Variants in RBM26 observed in about 807,000 individuals in gnomAD.
The protein encoded by RBM26 is RNA-binding protein 26.
In RBM26, 30 loss-of-function variants were observed where a neutral mutation model predicts 123.6. That is an observed-to-expected ratio of 0.24 (90% CI 0.18 to 0.33). The LOEUF is 0.33. RBM26 is among the 10% of genes least tolerant of loss of function. RBM26 has a pLI of 1.00. For missense variants in RBM26, 947 were observed against 1,203.6 expected (o/e 0.79, Z 3.15); for synonymous variants, 400 against 404.4 (o/e 0.99, Z 0.13).
At chr13:79,328,233 G>A (rs1185757377) in intron 20 of RBM26, among the ~76,000 whole-genome samples, 1 of 152,038 alleles carries the variant, frequency 6.6e-6, no homozygotes, top group Non-Finnish European at 1.5e-5. Context: ...AAACTGCCCT[G>A]ACAAACTACT....
chr13:79,377,927 C>CA (rs5805027), intron 2 of RBM26, among the ~76,000 whole-genome samples: 2 of 148,118 alleles, frequency 1.4e-5, no homozygotes, highest in African/African-American at 2.5e-5. Flanking sequence ...GACTCCGTCT[C>CA]AAAAAAAAAA....
chr13:79,404,057 C>T (rs539017638), intron 1 of RBM26, among the ~76,000 whole-genome samples: 8 of 152,308 alleles, frequency 5.3e-5, no homozygotes, highest in East Asian at 1.9e-4. Context: ...TAAATACTAT[C>T]TGCATGACTC....
chr13:79,324,194 T>C (rs2068051734), intron 20 of RBM26, among the ~76,000 whole-genome samples: 1 of 151,816 alleles, frequency 6.6e-6, no homozygotes, highest in Non-Finnish European at 1.5e-5. Flanking sequence ...CATATATTTT[T>C]CTACACACAT....
intron 3 of RBM26, among the ~76,000 whole-genome samples, chr13:79,373,900 TTC>T (rs2076401329): frequency 6.6e-6 from 1 of 151,068 alleles, no homozygotes; most frequent in Non-Finnish European, 1.5e-5. Context: ...CAGTGCTACT[TTC>T]TCCAGACTAT....
chr13:79,318,782 T>C, downstream of RBM26: 5 of 983,812 alleles, frequency 5.1e-6, no homozygotes, highest in African/African-American at 5.2e-5. Flanking sequence ...AGCATGGAGA[T>C]TTAACTGGCC....
Position 79,405,790 on chromosome 13 carries a change from G to T in RBM26, c.-16C>A, listed in dbSNP as rs755060108. ...TAGAAACCATCCACAGCGGCCCTAA[G>T]GCCCGTCACACTCCTCCGCCCGCCC... On this transcript the variant is annotated 5_prime_UTR_variant, in exon 1 of 22. Coordinates refer to ENST00000438737, the MANE Select transcript of RBM26 (RefSeq NM_001366735.2). 2 of 1,528,678 alleles carry T rather than the reference G, an allele frequency of 1.3e-6. No individual in the cohort carries two copies. The highest frequency in any genetic ancestry group is 1.8e-6 in the Non-Finnish European group (2 of 1,130,644). 94.7% of individuals were successfully genotyped at this position (1,528,678 alleles called of 1,614,324 possible).
At chr13:79,315,641 A>C (rs2067075409), downstream of RBM26, among the ~76,000 whole-genome samples, 1 of 151,806 alleles carries the variant, frequency 6.6e-6, no homozygotes, top group African/African-American at 2.4e-5. Context: ...CAAGTATAAA[A>C]AGTGGATACG....
intron 1 of RBM26, among the ~76,000 whole-genome samples, chr13:79,396,375 A>C (rs558457976): frequency 2.0e-5 from 3 of 152,208 alleles, no homozygotes; most frequent in Non-Finnish European, 4.4e-5. Context: ...CTAATAGCAA[A>C]ATTGATTAAG....
At chr13:79,324,804 A>ACCG (rs2068129988) in intron 20 of RBM26, among the ~76,000 whole-genome samples, 2 of 151,916 alleles carry the variant, frequency 1.3e-5, no homozygotes, top group Non-Finnish European at 2.9e-5. Flanking sequence ...AATTCATCCA[A>ACCG]TTTAATTTAT....
At chr13:79,354,610 C>CAAAAGGATG (rs1258337618) in intron 12 of RBM26, 40 bp from the exon 13 acceptor site, 1 of 1,524,138 alleles carries the variant, frequency 6.6e-7, no homozygotes, top group Non-Finnish European at 8.9e-7. Flanking sequence ...TTGATTCATT[C>CAAAAGGATG]AAAAGGATGG....
intron 14 of RBM26, among the ~76,000 whole-genome samples, chr13:79,348,298 A>C (rs1189776086): frequency 6.6e-6 from 1 of 152,102 alleles, no homozygotes; most frequent in Non-Finnish European, 1.5e-5. Context: ...TGTGTTGTTA[A>C]AATGTATAGC....
At chr13:79,364,947 A>G (rs2075103371) in intron 9 of RBM26, among the ~76,000 whole-genome samples, 1 of 152,158 alleles carries the variant, frequency 6.6e-6, no homozygotes, top group African/African-American at 2.4e-5. Context: ...TTTAGGAATT[A>G]AAGCGTTACT....
chr13:79,330,424 A>AC lies in RBM26; in HGVS notation c.2820+3919_2820+3920insG, dbSNP rs751908201. 2.1e-4 allele frequency among the ~76,000 whole-genome samples: 32 copies of AC among 152,312 alleles called. 1 individual carries two copies. The highest frequency in any genetic ancestry group is 5.8e-4 in the East Asian group (3 of 5,186). ...AACAGGTTTGTTTACCTCTGGACTT[A>AC]GTCCATTTAGACTACAGTTCTAAAT... On this transcript the variant is annotated intron_variant, in intron 20 of 21. Transcript: ENST00000438737.
chr13:79,350,966 G>C (rs372690805), intron 14 of RBM26, among the ~76,000 whole-genome samples: 2 of 152,012 alleles, frequency 1.3e-5, no homozygotes, highest in East Asian at 3.9e-4. Context: ...GGCTGTTTAC[G>C]GTATTTATCA....
chr13:79,330,482 T>C (rs917005504), intron 20 of RBM26, among the ~76,000 whole-genome samples: 2 of 152,160 alleles, frequency 1.3e-5, no homozygotes, highest in Admixed American at 6.5e-5. Flanking sequence ...CACAAACTTA[T>C]CTGACAAGAG....
intron 2 of RBM26, among the ~76,000 whole-genome samples, chr13:79,377,795 A>G (rs2076769241): frequency 6.6e-6 from 1 of 151,924 alleles, no homozygotes; most frequent in Non-Finnish European, 1.5e-5. Flanking sequence ...GTAATTCCAG[A>G]TACTAGGGAG....
At chr13:79,315,191 A>G (rs1410331), downstream of RBM26, among the ~76,000 whole-genome samples, 149,726 of 151,768 alleles carry the variant, frequency 0.99, 73,897 homozygotes, top group Non-Finnish European at 1. Flanking sequence ...TCTGCATCAT[A>G]CTCCCTTCAA....
At chr13:79,316,303 G>A (rs142561927), downstream of RBM26, among the ~76,000 whole-genome samples, 993 of 151,354 alleles carry the variant, frequency 6.6e-3, 17 homozygotes, top group African/African-American at 0.022. Context: ...TCTACATTGT[G>A]TGTAAGGAGG....
chr13:79,367,748 A>G (rs9530902), intron 6 of RBM26, among the ~76,000 whole-genome samples: 76,658 of 151,854 alleles, frequency 0.5, 19,783 homozygotes, highest in Middle Eastern at 0.6. Context: ...CAGAACCATG[A>G]GCCAAAGACA....
Sources: allele counts gnomAD v4.1 joint callset (sites outside exome capture counted in the v4.1 genomes callset), GRCh38; gene constraint gnomAD v4.1.1; transcripts MANE v1.5; gene names NCBI Gene and HGNC (gene_info 2026-07-23, HGNC 2026-07-21).